The following CACNA1E variants were observed in gnomAD, a reference collection of about 807,000 sequenced individuals.
CACNA1E encodes calcium voltage-gated channel subunit alpha1 E.
CACNA1E carries 40 observed loss-of-function variants against 259.2 expected under a neutral mutation model. The ratio of observed to expected loss-of-function variants is 0.15; its 90% CI spans 0.12 to 0.20. CACNA1E has a LOEUF of 0.20. CACNA1E is among the 10% of genes least tolerant of loss of function. CACNA1E has a pLI of 1.00. For synonymous variants in CACNA1E, 1,104 were observed against 1,138.5 expected (o/e 0.97, Z 0.61); for missense variants, 1,874 against 3,040.1 (o/e 0.62, Z 9.02).
intron 2 of CACNA1E, among the ~76,000 whole-genome samples, chr1:181,435,726 A>G (rs61812690): frequency 9.8e-4 from 150 of 152,336 alleles, no homozygotes; most frequent in South Asian, 9.1e-3. Flanking sequence ...TGAATTCTCA[A>G]ATTGATACTA....
chr1:181,797,161 G>C (rs750085916), intron 47 of CACNA1E, among the ~76,000 whole-genome samples: 4 of 152,152 alleles, frequency 2.6e-5, no homozygotes, highest in African/African-American at 9.7e-5. Flanking sequence ...AGGAGAGGAT[G>C]GTCCTTTAGC....
chr1:181,686,367 AC>A (rs1423664835), intron 7 of CACNA1E, among the ~76,000 whole-genome samples: 1 of 129,934 alleles, frequency 7.7e-6, no homozygotes, highest in African/African-American at 2.9e-5. Flanking sequence ...GCTCACTGCA[AC>A]CTCTACTTCC....
intron 3 of CACNA1E, among the ~76,000 whole-genome samples, chr1:181,569,700 C>T (rs375974695): frequency 3.3e-5 from 5 of 152,318 alleles, no homozygotes; most frequent in Middle Eastern, 3.4e-3. Flanking sequence ...GTGGATGCGT[C>T]TGTGGATGAG....
intron 44 of CACNA1E, among the ~76,000 whole-genome samples, chr1:181,790,827 A>G (rs1432379655): frequency 6.6e-6 from 1 of 151,942 alleles, no homozygotes; most frequent in Admixed American, 6.6e-5. Flanking sequence ...TTATGCCCGA[A>G]TATCAAGTGT....
At chr1:181,783,487 A>C (rs1341109442) in intron 39 of CACNA1E, among the ~76,000 whole-genome samples, 192 bp from the exon 40 acceptor site, 1 of 152,180 alleles carries the variant, frequency 6.6e-6, no homozygotes, top group Non-Finnish European at 1.5e-5. Context: ...CTACAACAAC[A>C]ACAACAACAA....
chr1:181,766,862 T>C (rs1027741410), intron 35 of CACNA1E, among the ~76,000 whole-genome samples: 6 of 152,174 alleles, frequency 3.9e-5, no homozygotes, highest in Non-Finnish European at 7.3e-5. Flanking sequence ...ATGGTGCTAA[T>C]TCATAAGCAG....
chr1:181,495,658 C>A (rs1450407376), intron 1 of CACNA1E, among the ~76,000 whole-genome samples: 2 of 152,176 alleles, frequency 1.3e-5, no homozygotes, highest in African/African-American at 4.8e-5. Flanking sequence ...GTTTACGTGA[C>A]CTTGCATTGG....
chr1:181,736,134 C>A, intron 21 of CACNA1E, 141 bp from the exon 22 acceptor site: 3 of 871,354 alleles, frequency 3.4e-6, no homozygotes, highest in Non-Finnish European at 3.4e-6. Context: ...TAGTAAATAC[C>A]CCCAGTGCCT....
intron 3 of CACNA1E, among the ~76,000 whole-genome samples, chr1:181,537,978 A>G (rs566498609): frequency 8.5e-5 from 13 of 152,330 alleles, no homozygotes; most frequent in Middle Eastern, 3.4e-3. Flanking sequence ...ACTAATAAAT[A>G]TATACTGAGT....
chr1:181,687,395 G>A (rs1030999208), intron 7 of CACNA1E, among the ~76,000 whole-genome samples: 1 of 152,098 alleles, frequency 6.6e-6, no homozygotes, highest in African/African-American at 2.4e-5. Context: ...ACAGCTTGGG[G>A]GGCTGTCACC....
chr1:181,603,460 G>A (rs761975987), intron 6 of CACNA1E, among the ~76,000 whole-genome samples: 2 of 152,068 alleles, frequency 1.3e-5, no homozygotes, highest in Non-Finnish European at 2.9e-5. Context: ...GTATTGTTGT[G>A]GGGAGTAGCT....
intron 42 of CACNA1E, 47 bp from the exon 43 acceptor site, chr1:181,785,666 C>T: frequency 7.8e-7 from 1 of 1,288,716 alleles, no homozygotes; most frequent in Non-Finnish European, 1.1e-6. Flanking sequence ...ACAGCAAACT[C>T]CGTAGTCATT....
Position 181,758,893 on chromosome 1 carries a change from A to G in CACNA1E, c.4605+25A>G, listed in dbSNP as rs1234911701. Reference sequence around the variant, plus strand: ...GGTATGTTGCTGAATCCTTCCCAGCACTGGGCTTGTCTCTTTCTGTTGGGT... The same window carrying G: ...GGTATGTTGCTGAATCCTTCCCAGCGCTGGGCTTGTCTCTTTCTGTTGGGT... On this transcript the variant is annotated intron_variant, in intron 32 of 47. Coordinates refer to ENST00000367573, the MANE Select transcript of CACNA1E (RefSeq NM_001205293.3). This position sits in a 1 kb window ranked among gnomAD's most constrained non-coding sequence, Gnocchi z 4.2. The G allele has an allele frequency of 7.8e-7, 1 of 1,279,094 alleles. No homozygotes were observed. The highest frequency in any genetic ancestry group is 2.3e-5 in the East Asian group (1 of 43,356). The allele number at this position is 1,279,094 out of a possible 1,614,324, so 79.2% of individuals were successfully genotyped here.
rs939739535 is a variant in CACNA1E at position 181,806,856 on chromosome 1, G to A, written c.*8022G>A. The A allele has an allele frequency of 1.3e-5, 2 of 152,186 alleles. No individual in the cohort carries two copies. Among genetic ancestry groups the A allele is most frequent in the Non-Finnish European group, 2.9e-5 (2 of 68,036 alleles). 9.4% of individuals were successfully genotyped at this position (152,186 alleles called of 1,614,324 possible). On this transcript the variant is annotated 3_prime_UTR_variant, in exon 48 of 48. Transcript: ENST00000367573. ...CAGAAAGGGAAATCATGGGAGTGAAGCCTGCCAGGACCCTCAGGGTAAGCT... is the reference window on the plus strand; with the variant it reads ...CAGAAAGGGAAATCATGGGAGTGAAACCTGCCAGGACCCTCAGGGTAAGCT...
intron 1 of CACNA1E, among the ~76,000 whole-genome samples, chr1:181,329,270 T>G (rs1651041550): frequency 6.6e-6 from 1 of 152,130 alleles, no homozygotes; most frequent in Admixed American, 6.5e-5. Flanking sequence ...ATCTCTCCCT[T>G]GGACAACCAC....
chr1:181,543,066 T>C (rs1668721387), intron 3 of CACNA1E, among the ~76,000 whole-genome samples: 1 of 152,068 alleles, frequency 6.6e-6, no homozygotes, highest in Admixed American at 6.6e-5. Context: ...TATTAAAATA[T>C]TAGAGAATAC....
intron 1 of CACNA1E, among the ~76,000 whole-genome samples, chr1:181,361,358 C>T (rs568462219): frequency 5.3e-5 from 8 of 152,272 alleles, no homozygotes; most frequent in Middle Eastern, 3.4e-3. Flanking sequence ...AAATATTGTT[C>T]TACTACCATA....
intron 6 of CACNA1E, among the ~76,000 whole-genome samples, chr1:181,619,697 A>G (rs1318769835): frequency 6.6e-6 from 1 of 152,058 alleles, no homozygotes; most frequent in Non-Finnish European, 1.5e-5. Context: ...GGTGAGGAGG[A>G]GTGAAATTCT....
intron 1 of CACNA1E, among the ~76,000 whole-genome samples, chr1:181,506,406 C>A (rs1273627624): frequency 6.6e-6 from 1 of 152,194 alleles, no homozygotes; most frequent in East Asian, 1.9e-4. Context: ...GGAGCCATGG[C>A]TCAGGCCAGA....
Sources: gnomAD v4.1 joint callset for allele counts (sites outside exome capture counted in the v4.1 genomes callset) on GRCh38, gnomAD v4.1.1 for gene constraint, Gnocchi (gnomAD v3.1) non-coding constraint, MANE v1.5 for transcripts, NCBI Gene and HGNC (gene_info 2026-07-23, HGNC 2026-07-21) for gene names.